The following GPHN variants were observed in gnomAD, a reference collection of about 807,000 sequenced individuals.
The protein encoded by GPHN is gephyrin.
In GPHN, 17 loss-of-function variants were observed where a neutral mutation model predicts 95.5. The ratio of observed to expected loss-of-function variants is 0.18; its 90% CI spans 0.12 to 0.27. The LOEUF is 0.27. Among genes scored for constraint, GPHN ranks in the 10% least tolerant of loss-of-function variants. The pLI is 1.00. For missense variants in GPHN, 660 were observed against 978.1 expected (o/e 0.67, Z 4.34); for synonymous variants, 320 against 322.5 (o/e 0.99, Z 0.08).
chr14:66,579,147 CG>C (rs1222505207), intron 1 of GPHN, among the ~76,000 whole-genome samples: 2 of 151,476 alleles, frequency 1.3e-5, no homozygotes, highest in African/African-American at 4.8e-5. Context: ...CTGTTACAAC[CG>C]TAATATGTTT....
At chr14:67,398,003 T>G in the GPHN span, 10 of 443,512 alleles carry the variant, frequency 2.3e-5, no homozygotes, top group Admixed American at 4.2e-5. Flanking sequence ...CCTTTGGCAC[T>G]GACCTTCTAG....
chr14:67,132,834 T>C (rs1337465984), intron 17 of GPHN, among the ~76,000 whole-genome samples: 1 of 151,370 alleles, frequency 6.6e-6, no homozygotes, highest in Non-Finnish European at 1.5e-5. Context: ...CCATTTACCC[T>C]TTTTGTCATT....
chr14:67,104,861 C>A (rs1390032866), intron 13 of GPHN, among the ~76,000 whole-genome samples: 1 of 151,640 alleles, frequency 6.6e-6, no homozygotes, highest in African/African-American at 2.4e-5. Flanking sequence ...TATCTGTATT[C>A]TTTCTTTCCT....
At chr14:66,972,029 A>T (rs1463281476) in intron 9 of GPHN, among the ~76,000 whole-genome samples, 1 of 152,058 alleles carries the variant, frequency 6.6e-6, no homozygotes, top group African/African-American at 2.4e-5. Flanking sequence ...GCACTTTGGG[A>T]GGCTGAGGCA....
intron 1 of GPHN, among the ~76,000 whole-genome samples, chr14:66,552,754 T>C (rs956116789): frequency 1.2e-4 from 18 of 152,176 alleles, no homozygotes; most frequent in African/African-American, 4.1e-4. Flanking sequence ...CATTTTACTG[T>C]TTTCTGACTT....
intron 19 of GPHN, among the ~76,000 whole-genome samples, chr14:67,161,438 A>G (rs145388856): frequency 1.5e-3 from 226 of 152,210 alleles, no homozygotes; most frequent in African/African-American, 5.2e-3. Context: ...GATATCCCAA[A>G]AGCATATCAG....
chr14:67,319,872 G>A, the GPHN span, among the ~76,000 whole-genome samples: 14 of 152,156 alleles, frequency 9.2e-5, no homozygotes, highest in Non-Finnish European at 2.1e-4. Context: ...TTCTTAAGTA[G>A]AATATTAATA....
intron 2 of GPHN, among the ~76,000 whole-genome samples, chr14:66,774,895 A>C (rs763874557): frequency 4.6e-5 from 7 of 152,244 alleles, no homozygotes; most frequent in Non-Finnish European, 7.3e-5. Context: ...GGAAAATTTC[A>C]AACATTGTTG....
chr14:66,740,828 G>C (rs960444806), intron 2 of GPHN, among the ~76,000 whole-genome samples: 1 of 152,118 alleles, frequency 6.6e-6, no homozygotes, highest in East Asian at 1.9e-4. Flanking sequence ...TCTTCATTTA[G>C]GTGCAATTTA....
the GPHN span, among the ~76,000 whole-genome samples, chr14:67,502,352 A>G: frequency 6.6e-6 from 1 of 151,108 alleles, no homozygotes; most frequent in Non-Finnish European, 1.5e-5. Context: ...AAGAAAGAAA[A>G]AAAAAGAAAA....
chr14:66,862,740 T>G (rs542716508), intron 4 of GPHN, among the ~76,000 whole-genome samples: 1 of 152,268 alleles, frequency 6.6e-6, no homozygotes, highest in African/African-American at 2.4e-5. Flanking sequence ...ATCATTTTAC[T>G]TGATGCTGAA....
chr14:67,013,308 T>G (rs1393398906), intron 9 of GPHN, among the ~76,000 whole-genome samples: 1 of 152,232 alleles, frequency 6.6e-6, no homozygotes, highest in East Asian at 1.9e-4. Flanking sequence ...GAGGATTCGC[T>G]ACATACACAA....
chr14:67,164,755 G>C (rs1307386105), intron 19 of GPHN, among the ~76,000 whole-genome samples: 2 of 151,864 alleles, frequency 1.3e-5, no homozygotes, highest in East Asian at 3.9e-4. Flanking sequence ...GCCTCCCAAA[G>C]TGTTGGGATT....
the GPHN span, chr14:67,642,497 A>G: frequency 2.8e-6 from 3 of 1,060,232 alleles, no homozygotes; most frequent in East Asian, 5.2e-5. Context: ...TAAAATGAAC[A>G]GCAAGCATTT....
intron 2 of GPHN, among the ~76,000 whole-genome samples, chr14:66,749,496 C>T (rs1001495205): frequency 6.6e-6 from 1 of 151,962 alleles, no homozygotes; most frequent in African/African-American, 2.4e-5. Context: ...CACATTCTTG[C>T]CAGCCTTTGG....
Position 67,165,147 on chromosome 14 carries a change from C to G in GPHN, c.1911-15C>G. 1.9e-6 allele frequency: 3 copies of G among 1,591,392 alleles called. No homozygotes were observed. Among genetic ancestry groups the G allele is most frequent in the Non-Finnish European group, 2.6e-6 (3 of 1,159,486 alleles). ...GCTTAGCAATCACTAACAAGTGACT[C>G]TTTTTTTCTTCTAGCTTGCCAACAA... is the stretch of plus-strand genomic sequence containing the variant. On this transcript the variant is annotated splice_polypyrimidine_tract_variant and intron_variant, in intron 19 of 22. Coordinates refer to ENST00000478722, the MANE Select transcript of GPHN (RefSeq NM_020806.5).
At chr14:67,364,991 G>T in the GPHN span, 1 of 1,603,378 alleles carries the variant, frequency 6.2e-7, no homozygotes, top group South Asian at 1.1e-5. Context: ...GTTGTCATTA[G>T]GGTGGACAAA....
chr14:67,499,200 T>C, the GPHN span, among the ~76,000 whole-genome samples: 1 of 151,938 alleles, frequency 6.6e-6, no homozygotes, highest in Middle Eastern at 3.4e-3. Flanking sequence ...TATGGGGTCC[T>C]GCTATGTTGC....
At chr14:66,993,925 AT>A (rs1238422379) in intron 9 of GPHN, among the ~76,000 whole-genome samples, 2 of 152,210 alleles carry the variant, frequency 1.3e-5, no homozygotes, top group Non-Finnish European at 2.9e-5. Context: ...TCTTATAAAT[AT>A]GACCAGACTA....
Sources: allele counts gnomAD v4.1 joint callset (sites outside exome capture counted in the v4.1 genomes callset), GRCh38; gene constraint gnomAD v4.1.1; transcripts MANE v1.5; gene names NCBI Gene and HGNC (gene_info 2026-07-23, HGNC 2026-07-21).